SLCO2A1: variants seen among roughly 807,000 people sequenced by gnomAD.
SLCO2A1 encodes the protein solute carrier organic anion transporter family member 2A1.
Under a neutral mutation model 71.7 loss-of-function variants are expected in SLCO2A1, and 60 were observed. That is an observed-to-expected ratio of 0.84 (90% CI 0.68 to 1.04). SLCO2A1 has a LOEUF of 1.04. SLCO2A1 is among the 50% of genes least tolerant of loss of function. The pLI is 0.00. For missense variants in SLCO2A1, 745 were observed against 813.4 expected (o/e 0.92, Z 1.02); for synonymous variants, 308 against 326.7 (o/e 0.94, Z 0.62).
rs976716793 is a variant in SLCO2A1, at chr3:133,934,375, T to A, written c.*338A>T. On this transcript the variant is annotated 3_prime_UTR_variant, in exon 14 of 14. Transcript: ENST00000310926. ...ACCCTTTTTCTCTCTCTGTTTAGGA[T>A]TCCCCCCAGGGCTGGTGAGGGGCCT... 2.7e-5 allele frequency: 5 copies of A among 185,872 alleles called. No homozygotes were observed. Among genetic ancestry groups the A allele is most frequent in the Non-Finnish European group, 5.5e-5 (5 of 90,162 alleles). The allele number at this position is 185,872 out of a possible 1,614,324, so 11.5% of individuals were successfully genotyped here. A position where few individuals can be genotyped will look rare whatever the true frequency, so the allele number is the denominator to read the frequency against.
chr3:134,018,995 G>A lies in SLCO2A1; in HGVS notation c.96+10712C>T, dbSNP rs957867686. ...ATGAAGAGGGAAAGGGTATCAGCCC[G>A]TTAGCCACTGGGAGCATCCACCTGA... On this transcript the variant is annotated intron_variant, in intron 1 of 13. Coordinates refer to ENST00000310926, the MANE Select transcript of SLCO2A1 (RefSeq NM_005630.3). Among the ~76,000 whole-genome samples, 7 of 152,276 alleles carry A rather than the reference G, an allele frequency of 4.6e-5. 1 individual carries two copies. The highest frequency in any genetic ancestry group is 1.2e-4 in the African/African-American group (5 of 41,576).
chr3:134,017,187 T>A (rs146851646), intron 1 of SLCO2A1, among the ~76,000 whole-genome samples: 1 of 152,238 alleles, frequency 6.6e-6, no homozygotes, highest in Non-Finnish European at 1.5e-5. Flanking sequence ...ACACACTTGA[T>A]AGCAATGTCA....
At chr3:133,984,711 G>A (rs1934670884) in intron 1 of SLCO2A1, among the ~76,000 whole-genome samples, 1 of 152,204 alleles carries the variant, frequency 6.6e-6, no homozygotes, top group African/African-American at 2.4e-5. Flanking sequence ...AAGAGTACAT[G>A]GAGATGTATT....
At position 133,953,537 on chromosome 3, in the gene SLCO2A1, G is replaced by T. The variant is rs138887986; in HGVS notation, c.724+126C>A. The T allele has an allele frequency of 6.3e-4, 444 of 703,520 alleles. 2 individuals are homozygous for T. The African/African-American group carries it at 6.8e-3, about 11-fold the overall frequency. The allele number at this position is 703,520 out of a possible 1,614,324, so 43.6% of individuals were successfully genotyped here. ...TCCGAGGGACTGCAGGGATGAGTGAGCGAGTGAGGAGGTGGCAGAGCGCAT... is the reference window on the plus strand; with the variant it reads ...TCCGAGGGACTGCAGGGATGAGTGATCGAGTGAGGAGGTGGCAGAGCGCAT... On this transcript the variant is annotated intron_variant, in intron 5 of 13. Coordinates refer to ENST00000310926, the MANE Select transcript of SLCO2A1 (RefSeq NM_005630.3).
chr3:133,981,330 C>T lies in SLCO2A1; in HGVS notation c.97-1712G>A, dbSNP rs1376901362. ...CGAGGCATCTGAGGTCAAATTGCCT[C>T]GTTCCTAGGTCTGGCCTGGACCAGG... is the stretch of plus-strand genomic sequence containing the variant. On this transcript the variant is annotated intron_variant, in intron 1 of 13. Coordinates refer to ENST00000310926, the MANE Select transcript of SLCO2A1 (RefSeq NM_005630.3). 5.3e-5 allele frequency among the ~76,000 whole-genome samples: 8 copies of T among 152,292 alleles called. No homozygotes were observed. The South Asian group carries it at 1.0e-3, about 20-fold the overall frequency.
chr3:133,984,403 T>C (rs1015299649), intron 1 of SLCO2A1, among the ~76,000 whole-genome samples: 1 of 152,166 alleles, frequency 6.6e-6, no homozygotes, highest in African/African-American at 2.4e-5. Context: ...GGTGTTTGTA[T>C]ATATCTGGAC....
In SLCO2A1 at chr3:134,005,247, T is replaced by C. The variant is rs141092396; in HGVS notation, c.96+24460A>G. Among the ~76,000 whole-genome samples the C allele has an allele frequency of 4.8e-3, 727 of 152,334 alleles. 6 individuals carry two copies. Among genetic ancestry groups the C allele is most frequent in the African/African-American group, 0.017 (686 of 41,564 alleles). On this transcript the variant is annotated intron_variant, in intron 1 of 13. Coordinates refer to ENST00000310926, the MANE Select transcript of SLCO2A1 (RefSeq NM_005630.3). ...TCACATTCTGGCATTCTTTTTGCTTTAAACACTCTTATTTTAAACATTCTT... is the reference window on the plus strand; with the variant it reads ...TCACATTCTGGCATTCTTTTTGCTTCAAACACTCTTATTTTAAACATTCTT...
At chr3:133,937,512 A>T (rs2108036345) in intron 12 of SLCO2A1, among the ~76,000 whole-genome samples, 1 of 152,258 alleles carries the variant, frequency 6.6e-6, no homozygotes, top group African/African-American at 2.4e-5. Context: ...TCACCAATAC[A>T]TCTCAAAATG....
chr3:133,971,337 T>A (rs938134048), intron 3 of SLCO2A1, among the ~76,000 whole-genome samples: 2 of 152,228 alleles, frequency 1.3e-5, no homozygotes, highest in African/African-American at 4.8e-5. Flanking sequence ...AGAAAGTGTA[T>A]GGCAGGAGCC....
At position 133,951,009 on chromosome 3, in the gene SLCO2A1, A is replaced by C. The variant is rs575606293; in HGVS notation, c.861+199T>G. ...ACATGCTAACATGGTACGGGAACAC[A>C]TAGGAGATACCACCTTTTGGAAATT... On this transcript the variant is annotated intron_variant, in intron 6 of 13. Transcript: ENST00000310926. The C allele has an allele frequency of 1.1e-4, 74 of 654,978 alleles. 1 individual carries two copies. The highest frequency in any genetic ancestry group is 1.8e-4 in the Non-Finnish European group (68 of 367,692). 40.6% of individuals were successfully genotyped at this position (654,978 alleles called of 1,614,324 possible).
chr3:133,972,291 C>T (rs1934343391), intron 3 of SLCO2A1, among the ~76,000 whole-genome samples: 1 of 151,984 alleles, frequency 6.6e-6, no homozygotes, highest in African/African-American at 2.4e-5. Context: ...TGGAGAGAGA[C>T]TAAGTGAACA....
chr3:133,951,081 GA>G, intron 6 of SLCO2A1, 126 bp downstream of exon 6: 2 of 1,309,314 alleles, frequency 1.5e-6, no homozygotes, highest in African/African-American at 1.5e-5. Context: ...CCTGCATCAT[GA>G]AATTTGTTTA....
intron 1 of SLCO2A1, among the ~76,000 whole-genome samples, chr3:134,022,545 T>C (rs1188628649): frequency 6.6e-6 from 1 of 152,152 alleles, no homozygotes; most frequent in Non-Finnish European, 1.5e-5. Flanking sequence ...AACTGGACAT[T>C]AAAGTAAAAG....
In SLCO2A1 at chr3:133,958,460, T is replaced by C. The variant is rs76822175; in HGVS notation, c.398-3267A>G. Among the ~76,000 whole-genome samples the C allele has an allele frequency of 3.3e-3, 503 of 152,304 alleles. 6 individuals carry two copies. The highest frequency in any genetic ancestry group is 0.012 in the African/African-American group (490 of 41,566). On this transcript the variant is annotated intron_variant, in intron 3 of 13. Transcript: ENST00000310926. ...TGCCCCAGGTGGGTAAGAGTTTATA[T>C]GCACAGGCTATGCTGGTCTTTGGAG...
At chr3:133,944,279 G>C (rs1210149997) in intron 10 of SLCO2A1, among the ~76,000 whole-genome samples, 2 of 152,116 alleles carry the variant, frequency 1.3e-5, no homozygotes, top group East Asian at 1.9e-4. Context: ...GAATTATCCT[G>C]TGTGTTGATT....
At chr3:133,995,908 T>TC (rs1163547805) in intron 1 of SLCO2A1, among the ~76,000 whole-genome samples, 1 of 152,014 alleles carries the variant, frequency 6.6e-6, no homozygotes. Context: ...TCCATTTATC[T>TC]CCCCCCAAAT....
intron 1 of SLCO2A1, among the ~76,000 whole-genome samples, chr3:134,025,463 GA>G (rs1935684177): frequency 6.6e-6 from 1 of 151,998 alleles, no homozygotes; most frequent in Non-Finnish European, 1.5e-5. Context: ...CAAAACAGAA[GA>G]AAAAGGGGTG....
intron 1 of SLCO2A1, among the ~76,000 whole-genome samples, chr3:133,988,017 T>C (rs9866790): frequency 0.16 from 24,479 of 152,244 alleles, 2,140 homozygotes; most frequent in African/African-American, 0.19. Context: ...TCACCCTCAC[T>C]GAGTGTAAAC....
At chr3:134,001,150 C>G (rs1298121865) in intron 1 of SLCO2A1, among the ~76,000 whole-genome samples, 1 of 151,800 alleles carries the variant, frequency 6.6e-6, no homozygotes, top group Non-Finnish European at 1.5e-5. Context: ...CAGAGTCTCA[C>G]TCTGTCTTCC....
Sources: gnomAD v4.1 joint callset for allele counts (sites outside exome capture counted in the v4.1 genomes callset) on GRCh38, gnomAD v4.1.1 for gene constraint, MANE v1.5 for transcripts, NCBI Gene and HGNC (gene_info 2026-07-23, HGNC 2026-07-21) for gene names.